Variants in CALN1 observed in about 807,000 individuals in gnomAD.
CALN1 encodes the protein calneuron 1, also known as calcium-binding protein 8.
Under a neutral mutation model 30.6 loss-of-function variants are expected in CALN1, and 17 were observed. The ratio of observed to expected loss-of-function variants is 0.56; its 90% CI spans 0.38 to 0.83. The LOEUF is 0.83. Ranked by LOEUF, CALN1 falls within the 40% of genes least tolerant of loss-of-function variation. The probability of loss-of-function intolerance (pLI) is 0.00; values close to 1 mark genes in which losing one functional copy is unlikely to be tolerated. For synonymous variants in CALN1, 156 were observed against 131.4 expected (o/e 1.19, Z -1.28); for missense variants, 291 against 354.9 (o/e 0.82, Z 1.45).
chr7:71,878,666 T>C (rs148492725), intron 5 of CALN1, among the ~76,000 whole-genome samples: 12 of 152,238 alleles, frequency 7.9e-5, no homozygotes, highest in African/African-American at 2.9e-4. Flanking sequence ...ATGTAGAGTG[T>C]GGGAGGTCCT....
chr7:71,933,901 A>G (rs913668118), intron 5 of CALN1, among the ~76,000 whole-genome samples: 4 of 152,080 alleles, frequency 2.6e-5, no homozygotes, highest in African/African-American at 9.7e-5. Context: ...AGGTGACGTG[A>G]GTGAGTGACA....
chr7:72,360,379 T>G (rs533799093), intron 2 of CALN1, among the ~76,000 whole-genome samples: 2 of 152,246 alleles, frequency 1.3e-5, no homozygotes, highest in East Asian at 3.9e-4. Context: ...GTGCAGGATA[T>G]ACGGCTGTTT....
chr7:72,043,328 C>G (rs1407837284), intron 4 of CALN1, among the ~76,000 whole-genome samples: 1 of 152,154 alleles, frequency 6.6e-6, no homozygotes, highest in Non-Finnish European at 1.5e-5. Context: ...CAGTCCAGAA[C>G]CCCCAGGAAG....
intron 3 of CALN1, among the ~76,000 whole-genome samples, chr7:72,258,911 G>A (rs113916782): frequency 0.043 from 6,277 of 144,466 alleles, 320 homozygotes; most frequent in African/African-American, 0.12. Context: ...AAAAAAAAAA[G>A]AAAGAAAGAA....
chr7:72,325,058 G>A (rs1436985343), intron 2 of CALN1, among the ~76,000 whole-genome samples: 1 of 152,106 alleles, frequency 6.6e-6, no homozygotes, highest in Non-Finnish European at 1.5e-5. Context: ...CAGCACTTTT[G>A]AGAGGCCAAG....
intron 3 of CALN1, among the ~76,000 whole-genome samples, chr7:72,266,878 A>T (rs571761545): frequency 2.2e-4 from 34 of 152,170 alleles, no homozygotes; most frequent in African/African-American, 7.5e-4. Flanking sequence ...TCCACAAAAG[A>T]TATCTTTCTC....
chr7:72,154,623 T>A (rs1377344243), intron 3 of CALN1, among the ~76,000 whole-genome samples: 1 of 152,182 alleles, frequency 6.6e-6, no homozygotes, highest in East Asian at 1.9e-4. Context: ...AGAGGGCCTC[T>A]GTGTCTCCCT....
intron 1 of CALN1, among the ~76,000 whole-genome samples, chr7:72,443,086 G>A (rs114792447): frequency 2.2e-3 from 335 of 152,332 alleles, no homozygotes; most frequent in African/African-American, 7.8e-3. Flanking sequence ...CATTATTAAG[G>A]GTTGCACAGA....
chr7:72,354,468 A>T (rs192690850), intron 2 of CALN1, among the ~76,000 whole-genome samples: 1 of 152,326 alleles, frequency 6.6e-6, no homozygotes, highest in East Asian at 1.9e-4. Flanking sequence ...TTATATATGT[A>T]TGCAAAGGAC....
chr7:72,121,892 ATATATATTT>A (rs1480547312), intron 3 of CALN1, among the ~76,000 whole-genome samples: 1 of 147,426 alleles, frequency 6.8e-6, no homozygotes, highest in Non-Finnish European at 1.5e-5. Flanking sequence ...ATTATATATA[ATATATATTT>A]TATATATAAA....
At chr7:71,803,233 G>A (rs1787409869) in intron 6 of CALN1, among the ~76,000 whole-genome samples, 1 of 152,014 alleles carries the variant, frequency 6.6e-6, no homozygotes, top group African/African-American at 2.4e-5. Flanking sequence ...TATGCACAAA[G>A]CACCCAGAAC....
At chr7:72,145,599 G>A (rs1204329938) in intron 3 of CALN1, among the ~76,000 whole-genome samples, 16 of 152,276 alleles carry the variant, frequency 1.1e-4, no homozygotes, top group Admixed American at 9.8e-4. Flanking sequence ...GAAAAAGAGG[G>A]AATCCTCCCT....
At chr7:72,159,172 A>C (rs1427886314) in intron 3 of CALN1, among the ~76,000 whole-genome samples, 4 of 152,082 alleles carry the variant, frequency 2.6e-5, no homozygotes, top group African/African-American at 7.2e-5. Flanking sequence ...GAGATTTTTA[A>C]AGAAACAAAC....
At chr7:72,334,363 C>T (rs892928777) in intron 2 of CALN1, among the ~76,000 whole-genome samples, 3 of 152,200 alleles carry the variant, frequency 2.0e-5, no homozygotes, top group Admixed American at 1.3e-4. Flanking sequence ...GATATCCCAC[C>T]CTGGCTGGTG....
At chr7:72,355,597 G>C (rs536231069) in intron 2 of CALN1, among the ~76,000 whole-genome samples, 98 of 152,184 alleles carry the variant, frequency 6.4e-4, no homozygotes, top group African/African-American at 2.3e-3. Flanking sequence ...TGATCATTTT[G>C]ATTTCATCAA....
intron 3 of CALN1, among the ~76,000 whole-genome samples, chr7:72,226,093 CAAAAA>C (rs35950469): frequency 8.9e-6 from 1 of 111,906 alleles, no homozygotes. Context: ...AGACTCCACC[CAAAAA>C]AAAAAAAAAA....
chr7:72,433,761 C>T (rs1315331374), intron 1 of CALN1, among the ~76,000 whole-genome samples: 1 of 152,136 alleles, frequency 6.6e-6, no homozygotes, highest in Non-Finnish European at 1.5e-5. Context: ...CTTATGGGCT[C>T]TGATTCAAAA....
intron 2 of CALN1, among the ~76,000 whole-genome samples, chr7:72,357,486 G>A (rs973312157): frequency 5.3e-5 from 8 of 151,920 alleles, no homozygotes; most frequent in Admixed American, 5.2e-4. Context: ...AGAGAAAAGT[G>A]TGTGCTGATA....
intron 3 of CALN1, among the ~76,000 whole-genome samples, chr7:72,272,105 C>T (rs1323006442): frequency 1.3e-5 from 2 of 151,472 alleles, no homozygotes; most frequent in Admixed American, 6.6e-5. Flanking sequence ...ATAGGGGCTC[C>T]TAGAGAAAAC....
Sources: allele counts gnomAD v4.1 joint callset (sites outside exome capture counted in the v4.1 genomes callset), GRCh38; gene constraint gnomAD v4.1.1; transcripts MANE v1.5; gene names NCBI Gene and HGNC (gene_info 2026-07-23, HGNC 2026-07-21).